WAC: variants seen among roughly 807,000 people sequenced by gnomAD.
WAC encodes WW domain-containing adapter protein with coiled-coil.
Under a neutral mutation model 79.6 loss-of-function variants are expected in WAC, and 11 were observed. That is an observed-to-expected ratio of 0.14 (90% CI 0.09 to 0.23). The LOEUF (loss-of-function observed/expected upper bound fraction) is 0.23, where lower values mean the gene tolerates loss of function less well. Ranked by LOEUF, WAC falls within the 10% of genes least tolerant of loss-of-function variation. The pLI is 1.00. For missense variants in WAC, 728 were observed against 773.5 expected (o/e 0.94, Z 0.70); for synonymous variants, 304 against 276.9 (o/e 1.10, Z -0.97).
intron 10 of WAC, 78 bp from the exon 11 acceptor site, chr10:28,614,489 C>A: frequency 8.4e-7 from 1 of 1,184,868 alleles, no homozygotes; most frequent in Non-Finnish European, 1.3e-6. Context: ...TTACATGTTT[C>A]AAGACGATTA....
At chr10:28,556,131 A>G (rs1013331635) in intron 3 of WAC, among the ~76,000 whole-genome samples, 2 of 152,028 alleles carry the variant, frequency 1.3e-5, no homozygotes, top group African/African-American at 2.4e-5. Context: ...TGGTAGTTCT[A>G]TTGTTAATTT....
chr10:28,540,644 A>G (rs1485776091), intron 3 of WAC, among the ~76,000 whole-genome samples: 3 of 152,246 alleles, frequency 2.0e-5, no homozygotes, highest in African/African-American at 7.2e-5. Flanking sequence ...AATATAATAC[A>G]CTAACGTTTG....
rs773234411 is a variant in WAC, at chr10:28,618,919, A to C, written c.1875-618A>C. ...ATGTATAATAGCTACTGCTTTCTTT[A>C]TTGTGATGATACGGTTTATAAAGTA... On this transcript the variant is annotated intron_variant, in intron 13 of 13. Coordinates refer to ENST00000354911, the MANE Select transcript of WAC (RefSeq NM_016628.5). 5.3e-4 allele frequency among the ~76,000 whole-genome samples: 80 copies of C among 152,174 alleles called. 1 individual carries two copies. The highest frequency in any genetic ancestry group is 2.2e-4 in the Non-Finnish European group (15 of 68,022).
chr10:28,615,973 A>G lies in WAC; in HGVS notation c.1557-200A>G, dbSNP rs183324314. ...ATTTGACTCTGACAGTAGTGTTAAAAGGGTTTTTTCCCCCTAAAGTGTTTT... is the reference window on the plus strand; with the variant it reads ...ATTTGACTCTGACAGTAGTGTTAAAGGGGTTTTTTCCCCCTAAAGTGTTTT... On this transcript the variant is annotated intron_variant, in intron 11 of 13. Coordinates refer to ENST00000354911, the MANE Select transcript of WAC (RefSeq NM_016628.5). 11 of 454,156 alleles carry G rather than the reference A, an allele frequency of 2.4e-5. No individual in the cohort carries two copies. The Admixed American group carries it at 4.2e-4, about 17-fold the overall frequency. 28.1% of individuals were successfully genotyped at this position (454,156 alleles called of 1,614,324 possible).
At chr10:28,559,135 G>GGTGTGTGTGTGTGT (rs750941388) in intron 3 of WAC, among the ~76,000 whole-genome samples, 1,786 of 64,772 alleles carry the variant, frequency 0.028, 24 homozygotes, top group Admixed American at 0.039. Context: ...CGAGAAACCT[G>GGTGTGTGTGTGTGT]ATGTGTGTGT....
intron 6 of WAC, chr10:28,591,766 G>A (rs1484741661): frequency 1.4e-5 from 2 of 145,972 alleles, no homozygotes; most frequent in South Asian, 2.2e-4. Context: ...AAGATGACTT[G>A]AGCCCTGGCA....
At chr10:28,552,685 T>C (rs985362893) in intron 3 of WAC, among the ~76,000 whole-genome samples, 1 of 152,158 alleles carries the variant, frequency 6.6e-6, no homozygotes, top group African/African-American at 2.4e-5. Flanking sequence ...GTTTGGATAT[T>C]ATGTATCATT....
Position 28,622,515 on chromosome 10 carries a change from AAGAAGGTTAC to A in WAC, c.*2913_*2922del, listed in dbSNP as rs1841730758. The A allele has an allele frequency of 6.9e-6, 1 of 143,892 alleles. No homozygotes were observed. Among genetic ancestry groups the A allele is most frequent in the African/African-American group, 2.6e-5 (1 of 38,986 alleles). 8.9% of individuals were successfully genotyped at this position (143,892 alleles called of 1,614,324 possible). ...GGTATTGTAACAATATATTTGATGAAAGAAGGTTACAGACTCCCCTGAAGAACCAGCTTTC... is the reference window on the plus strand; with the variant it reads ...GGTATTGTAACAATATATTTGATGAAAGACTCCCCTGAAGAACCAGCTTTC... On this transcript the variant is annotated 3_prime_UTR_variant, in exon 14 of 14. Coordinates refer to ENST00000354911, the MANE Select transcript of WAC (RefSeq NM_016628.5).
At chr10:28,584,338 A>G (rs1839696867) in intron 4 of WAC, among the ~76,000 whole-genome samples, 1 of 152,206 alleles carries the variant, frequency 6.6e-6, no homozygotes, top group South Asian at 2.1e-4. Flanking sequence ...ACGATGTAGA[A>G]GTGTAAAATA....
intron 3 of WAC, among the ~76,000 whole-genome samples, chr10:28,569,678 TG>T (rs1439784532): frequency 2.0e-5 from 3 of 152,156 alleles, no homozygotes; most frequent in Non-Finnish European, 4.4e-5. Flanking sequence ...GCAAGGAGGT[TG>T]GTGGGGAATG....
chr10:28,610,141 C>G (rs1241437226), intron 8 of WAC, among the ~76,000 whole-genome samples: 1 of 152,018 alleles, frequency 6.6e-6, no homozygotes, highest in African/African-American at 2.4e-5. Context: ...CTATGTTGGG[C>G]AGGCTGCTCT....
chr10:28,603,948 T>A (rs369509889), intron 7 of WAC, among the ~76,000 whole-genome samples: 56,253 of 77,534 alleles, frequency 0.73, 19,569 homozygotes, highest in East Asian at 0.84. Context: ...AAAAAATATA[T>A]ATATGTATGT....
intron 3 of WAC, among the ~76,000 whole-genome samples, chr10:28,578,243 T>C (rs1412686976): frequency 6.6e-6 from 1 of 152,240 alleles, no homozygotes; most frequent in African/African-American, 2.4e-5. Context: ...ATTTTTAATA[T>C]ACTAAAGATT....
intron 3 of WAC, among the ~76,000 whole-genome samples, chr10:28,579,702 CTACTTGTG>C (rs1298109186): frequency 6.6e-6 from 1 of 152,132 alleles, no homozygotes; most frequent in East Asian, 1.9e-4. Flanking sequence ...GTTTGTTCTT[CTACTTGTG>C]TATTACTTCA....
At chr10:28,595,608 A>G (rs1840320441) in intron 6 of WAC, 125 bp from the exon 7 acceptor site, 3 of 957,158 alleles carry the variant, frequency 3.1e-6, no homozygotes, top group South Asian at 3.5e-5. Context: ...GCAGTTTTAT[A>G]AAAGAATATG....
intron 5 of WAC, 100 bp downstream of exon 5, chr10:28,589,951 G>C: frequency 1.2e-6 from 1 of 812,892 alleles, no homozygotes; most frequent in South Asian, 1.7e-5. Flanking sequence ...TTTTTATAGT[G>C]CTGCCCATCT....
At chr10:28,576,531 A>G (rs1282707970) in intron 3 of WAC, among the ~76,000 whole-genome samples, 1 of 152,192 alleles carries the variant, frequency 6.6e-6, no homozygotes, top group African/African-American at 2.4e-5. Flanking sequence ...AAATGACCTT[A>G]TTATAAACTA....
intron 3 of WAC, among the ~76,000 whole-genome samples, chr10:28,540,213 G>A (rs1318240234): frequency 6.6e-6 from 1 of 152,096 alleles, no homozygotes; most frequent in East Asian, 1.9e-4. Context: ...ACAACAGATA[G>A]TATCCTTATT....
At chr10:28,534,996 ACATTAGTTTATTTT>A (rs1424313078) in intron 2 of WAC, among the ~76,000 whole-genome samples, 3 of 152,156 alleles carry the variant, frequency 2.0e-5, no homozygotes, top group African/African-American at 7.2e-5. Context: ...AATAGTACTC[ACATTAGTTTATTTT>A]GGTTAGTATT....
Sources: gnomAD v4.1 joint callset for allele counts (sites outside exome capture counted in the v4.1 genomes callset) on GRCh38, gnomAD v4.1.1 for gene constraint, MANE v1.5 for transcripts, NCBI Gene and HGNC (gene_info 2026-07-23, HGNC 2026-07-21) for gene names.